The following RGS20 variants were observed in gnomAD, a reference collection of about 807,000 sequenced individuals.
The protein encoded by RGS20 is regulator of G protein signaling 20, also known as gz-selective GTPase-activating protein.
A neutral mutation model predicts 33.6 loss-of-function variants in RGS20; 30 were observed. That is an observed-to-expected ratio of 0.89 (90% CI 0.67 to 1.21). The LOEUF (loss-of-function observed/expected upper bound fraction) is 1.21, where lower values mean the gene tolerates loss of function less well. Among genes scored for constraint, RGS20 ranks in the 50% most tolerant of loss-of-function variants. RGS20 has a pLI of 0.00. For missense variants in RGS20, 472 were observed against 502.4 expected, an observed-to-expected ratio of 0.94 and a Z score of 0.58; for synonymous variants, 208 against 197.9, an observed-to-expected ratio of 1.05 and a Z score of -0.43.
chr8:53,956,239 G>A (rs75765471), intron 5 of RGS20, among the ~76,000 whole-genome samples: 2 of 152,160 alleles, frequency 1.3e-5, no homozygotes, highest in African/African-American at 4.8e-5. Flanking sequence ...CACAGATTGT[G>A]CCAGAAAGGG....
chr8:53,907,455 G>A (rs1427204972), intron 2 of RGS20, among the ~76,000 whole-genome samples: 2 of 151,974 alleles, frequency 1.3e-5, no homozygotes, highest in African/African-American at 4.8e-5. Context: ...ATGGTGGCAC[G>A]AGCCTGTAAT....
intron 2 of RGS20, among the ~76,000 whole-genome samples, chr8:53,900,780 C>T (rs1399550846): frequency 1.3e-5 from 2 of 152,148 alleles, no homozygotes; most frequent in Non-Finnish European, 2.9e-5. Context: ...GCTCTCCTCC[C>T]GCTATTGCAC....
At chr8:53,883,157 C>A (rs75375162) in intron 2 of RGS20, among the ~76,000 whole-genome samples, 3,379 of 143,266 alleles carry the variant, frequency 0.024, 130 homozygotes, top group African/African-American at 0.082. Flanking sequence ...ATCTTTCTTT[C>A]TTTTTTTTTT....
chr8:53,901,529 A>G (rs1813031356), intron 2 of RGS20, among the ~76,000 whole-genome samples: 1 of 152,110 alleles, frequency 6.6e-6, no homozygotes, highest in Middle Eastern at 3.2e-3. Flanking sequence ...TCTGCTGTCT[A>G]TTGCCACTTC....
intron 4 of RGS20, among the ~76,000 whole-genome samples, chr8:53,949,245 A>T (rs1814638830): frequency 6.8e-6 from 1 of 147,232 alleles, no homozygotes; most frequent in Non-Finnish European, 1.5e-5. Flanking sequence ...TATAAGATAC[A>T]GTATATATTT....
rs181017746 is a variant in RGS20, at chr8:53,937,677, A to C, written c.511-1899A>C. Reference sequence around the variant, plus strand: ...TCCAGAATCTACAAGGAAGTTAAACAAATTTACAAGAAAAAAACAAACAAC... The same window carrying C: ...TCCAGAATCTACAAGGAAGTTAAACCAATTTACAAGAAAAAAACAAACAAC... On this transcript the variant is annotated intron_variant, in intron 2 of 5. Transcript: ENST00000297313. Among the ~76,000 whole-genome samples, 29 of 152,340 alleles carry C rather than the reference A, an allele frequency of 1.9e-4. No individual in the cohort carries two copies. In the East Asian group the frequency reaches 5.6e-3, roughly 29 times the overall value.
At chr8:53,957,695 T>C (rs1029494318) in intron 5 of RGS20, among the ~76,000 whole-genome samples, 2 of 152,188 alleles carry the variant, frequency 1.3e-5, no homozygotes, top group African/African-American at 4.8e-5. Flanking sequence ...CAGGGGCCCC[T>C]ACACCTACTG....
intron 1 of RGS20, among the ~76,000 whole-genome samples, chr8:53,866,527 C>T (rs1811923171): frequency 6.6e-6 from 1 of 152,042 alleles, no homozygotes; most frequent in Non-Finnish European, 1.5e-5. Context: ...CAGGAGGCAC[C>T]CACCATCACA....
At position 53,954,151 on chromosome 8, in the gene RGS20, G is replaced by A; in HGVS notation, c.819G>A (p.Arg273=). The change falls in exon 5 of 6, where the codon AGG becomes AGA. Residue 273 remains arginine, a synonymous_variant. Transcript: ENST00000297313. Reference sequence around the variant, plus strand: ...AATTAATGGTCACTCCAGCAGGAAGGAATGCATTCCGTGAATTCCTCCGAA... The same window carrying A: ...AATTAATGGTCACTCCAGCAGGAAGAAATGCATTCCGTGAATTCCTCCGAA... 3.7e-6 allele frequency: 6 copies of A among 1,614,156 alleles called. No homozygotes were observed. The highest frequency in any genetic ancestry group is 5.1e-6 in the Non-Finnish European group (6 of 1,180,008).
chr8:53,922,156 G>A (rs1187922320), intron 2 of RGS20, among the ~76,000 whole-genome samples: 1 of 151,906 alleles, frequency 6.6e-6, no homozygotes, highest in Non-Finnish European at 1.5e-5. Flanking sequence ...AATTCTGTTA[G>A]TTTTTGCTGT....
At chr8:53,890,511 G>A (rs1293859367) in intron 2 of RGS20, among the ~76,000 whole-genome samples, 1 of 152,050 alleles carries the variant, frequency 6.6e-6, no homozygotes, top group Non-Finnish European at 1.5e-5. Flanking sequence ...TGTAGGTTCT[G>A]GTAATTTCTT....
intron 2 of RGS20, among the ~76,000 whole-genome samples, chr8:53,909,213 A>ATGTGTG (rs1370693848): frequency 1.4e-3 from 30 of 21,572 alleles, no homozygotes; most frequent in African/African-American, 4.6e-3. Context: ...ATGTGTGTAT[A>ATGTGTG]TATATATATA....
rs182706679 is a variant in RGS20 at position 53,920,294 on chromosome 8, T to A, written c.511-19282T>A. Among the ~76,000 whole-genome samples the A allele has an allele frequency of 2.9e-3, 444 of 152,276 alleles. 9 individuals are homozygous for A. The highest frequency in any genetic ancestry group is 1.0e-2 in the African/African-American group (415 of 41,586). ...TTCTTTTGATACTATATTGGAATTA[T>A]TTTCTTATATCACTTCCAGAATGTT... On this transcript the variant is annotated intron_variant, in intron 2 of 5. Transcript: ENST00000297313.
At chr8:53,874,674 C>T (rs1324313450) in intron 1 of RGS20, among the ~76,000 whole-genome samples, 1 of 152,204 alleles carries the variant, frequency 6.6e-6, no homozygotes, top group East Asian at 1.9e-4. Flanking sequence ...TTCTTAGCCT[C>T]TGGTGGTTTG....
At chr8:53,943,395 T>A (rs1214750723) in intron 3 of RGS20, among the ~76,000 whole-genome samples, 1 of 152,240 alleles carries the variant, frequency 6.6e-6, no homozygotes, top group African/African-American at 2.4e-5. Flanking sequence ...AGGGAAGGCA[T>A]GCTGATTCTT....
intron 1 of RGS20, among the ~76,000 whole-genome samples, chr8:53,874,402 G>A (rs1812149730): frequency 7.7e-6 from 1 of 129,318 alleles, no homozygotes; most frequent in Non-Finnish European, 1.5e-5. Flanking sequence ...GTGTGTGTGT[G>A]CGCGCGCGTG....
chr8:53,922,115 T>C (rs1813665421), intron 2 of RGS20, among the ~76,000 whole-genome samples: 1 of 152,168 alleles, frequency 6.6e-6, no homozygotes, highest in Admixed American at 6.5e-5. Flanking sequence ...ACTTTATTAC[T>C]GTTATCATTG....
chr8:53,894,316 C>T (rs1312897016), intron 2 of RGS20, among the ~76,000 whole-genome samples: 1 of 152,136 alleles, frequency 6.6e-6, no homozygotes, highest in Non-Finnish European at 1.5e-5. Context: ...ACACTTCACA[C>T]CAAGGGGGAG....
chr8:53,931,647 C>T (rs1174870958), intron 2 of RGS20, among the ~76,000 whole-genome samples: 1 of 152,166 alleles, frequency 6.6e-6, no homozygotes, highest in African/African-American at 2.4e-5. Flanking sequence ...TCTGTAGCTC[C>T]CAATGAGATC....
Sources: allele counts gnomAD v4.1 joint callset (sites outside exome capture counted in the v4.1 genomes callset), GRCh38; gene constraint gnomAD v4.1.1; transcripts MANE v1.5; gene names NCBI Gene and HGNC (gene_info 2026-07-23, HGNC 2026-07-21).